Variants in KCTD1 observed in about 807,000 individuals in gnomAD.
KCTD1 encodes the protein BTB/POZ domain-containing protein KCTD1.
A neutral mutation model predicts 66.0 loss-of-function variants in KCTD1; 24 were observed. The ratio of observed to expected loss-of-function variants is 0.36; its 90% CI spans 0.26 to 0.51. The LOEUF (loss-of-function observed/expected upper bound fraction) is 0.51, where lower values mean the gene tolerates loss of function less well. Among genes scored for constraint, KCTD1 ranks in the 20% least tolerant of loss-of-function variants. KCTD1 has a pLI of 0.95. For synonymous variants in KCTD1, 511 were observed against 517.2 expected (o/e 0.99, Z 0.16); for missense variants, 943 against 1,205.2 (o/e 0.78, Z 3.22).
At chr18:26,618,508 T>C (rs1231885140) in intron 1 of KCTD1, among the ~76,000 whole-genome samples, 1 of 152,186 alleles carries the variant, frequency 6.6e-6, no homozygotes, top group Non-Finnish European at 1.5e-5. Flanking sequence ...GAATAAACGA[T>C]GCCTCTCTCT....
rs942446940 is a variant in KCTD1, at chr18:26,468,938, C to T, written c.2133+7577G>A. On this transcript the variant is annotated intron_variant, in intron 3 of 4. Transcript: ENST00000580059. The surrounding 1 kb of genome is among the most constrained non-coding windows in gnomAD (Gnocchi z 4.8). ...AAAGCACCAATAGTACTGTTCAGGA[C>T]GTGCAGACTGAAAGCTCCTATGTGT... 7.9e-5 allele frequency among the ~76,000 whole-genome samples: 12 copies of T among 152,284 alleles called. No homozygotes were observed. The highest frequency in any genetic ancestry group is 1.4e-4 in the African/African-American group (6 of 41,552).
intron 3 of KCTD1, among the ~76,000 whole-genome samples, chr18:26,466,645 C>T (rs529492829): frequency 6.6e-6 from 1 of 152,128 alleles, no homozygotes; most frequent in African/African-American, 2.4e-5. Context: ...TGACAGAGAT[C>T]GTTTTTATTG....
At chr18:26,463,914 A>G (rs962098483) in intron 3 of KCTD1, among the ~76,000 whole-genome samples, 2 of 152,218 alleles carry the variant, frequency 1.3e-5, no homozygotes, top group Non-Finnish European at 2.9e-5. Context: ...CATTTTACAT[A>G]TGAGCTTCCC....
rs776466895 is a variant in KCTD1, at chr18:26,455,795, C to T, written c.2546G>A (p.Arg849Gln). Residue 849 changes from arginine (R) to glutamine (Q), a missense_variant, in exon 5 of 5, where the codon CGG becomes CAG. By Grantham distance (43) the Arg-to-Gln change is conservative. This residue lies in a region of KCTD1 where 162 missense variants were observed against 232.4 expected (regional missense o/e 0.70). Transcript: ENST00000580059. The stretch of plus-strand genomic sequence containing the variant: ...GATGACGGAGGGTACACGGGGCGTC[C>T]GCCTCAGTTCCCGCCGAAGGACGTA... ...SEYVLRRELR[R>Q]TPRVPSVIRI... is the part of the protein sequence containing the mutation. 12 of 1,614,128 alleles carry T rather than the reference C, an allele frequency of 7.4e-6. No homozygotes were observed. The highest frequency in any genetic ancestry group is 1.6e-4 in the Middle Eastern group (1 of 6,062).
chr18:26,535,630 TTC>T (rs1390259354), intron 1 of KCTD1, among the ~76,000 whole-genome samples: 1 of 152,190 alleles, frequency 6.6e-6, no homozygotes, highest in Admixed American at 6.5e-5. Flanking sequence ...CTAAGATTCA[TTC>T]TGTTTTCAAA....
chr18:26,625,544 A>G (rs1052892899), intron 1 of KCTD1, among the ~76,000 whole-genome samples: 15 of 152,140 alleles, frequency 9.9e-5, no homozygotes, highest in African/African-American at 3.6e-4. Flanking sequence ...CCCTTCCACC[A>G]TGATTGTAAG....
chr18:26,631,720 C>T (rs1987621571), upstream of KCTD1, among the ~76,000 whole-genome samples: 1 of 151,950 alleles, frequency 6.6e-6, no homozygotes, highest in African/African-American at 2.4e-5. Flanking sequence ...AAAAATATTC[C>T]CAAAAAACCC....
At chr18:26,467,723 G>A (rs139429262) in intron 3 of KCTD1, among the ~76,000 whole-genome samples, 7 of 151,852 alleles carry the variant, frequency 4.6e-5, no homozygotes, top group Middle Eastern at 3.4e-3. Context: ...GCTGAGACAG[G>A]AGAATCACTT....
upstream of KCTD1, among the ~76,000 whole-genome samples, chr18:26,551,373 T>G (rs561188362): frequency 6.6e-6 from 1 of 152,210 alleles, no homozygotes; most frequent in South Asian, 2.1e-4. Context: ...AAGCAGCAGT[T>G]TTGGGTGCTG....
intron 1 of KCTD1, among the ~76,000 whole-genome samples, chr18:26,593,318 G>A (rs896230565): frequency 4.6e-5 from 7 of 150,638 alleles, no homozygotes; most frequent in Admixed American, 2.7e-4. Flanking sequence ...AGGAAGAGGA[G>A]GAGGAAGAGG....
At chr18:26,546,579 G>C (rs531786081) in intron 1 of KCTD1, 149 bp downstream of exon 1, 1 of 891,496 alleles carries the variant, frequency 1.1e-6, no homozygotes, top group Non-Finnish European at 1.6e-6. Context: ...AGCACCAAGA[G>C]AGTTAACTTC....
At chr18:26,522,433 A>C (rs1443939845) in intron 1 of KCTD1, among the ~76,000 whole-genome samples, 2 of 152,192 alleles carry the variant, frequency 1.3e-5, no homozygotes, top group Non-Finnish European at 2.9e-5. Flanking sequence ...CCTCAGATGG[A>C]ACCAACCACG....
chr18:26,647,335 C>CCG (rs1555649523), intron 1 of KCTD1, among the ~76,000 whole-genome samples: 21 of 114,722 alleles, frequency 1.8e-4, no homozygotes, highest in East Asian at 1.4e-3. Context: ...AGTGAAACCC[C>CCG]CCCCCCATCT....
At chr18:26,634,926 G>A (rs1482162468) in intron 1 of KCTD1, among the ~76,000 whole-genome samples, 1 of 152,166 alleles carries the variant, frequency 6.6e-6, no homozygotes, top group African/African-American at 2.4e-5. Context: ...TAGCAGAAGT[G>A]AGTGAGGCAA....
intron 1 of KCTD1, among the ~76,000 whole-genome samples, chr18:26,559,149 A>C (rs1985783137): frequency 6.6e-6 from 1 of 152,006 alleles, no homozygotes; most frequent in African/African-American, 2.4e-5. Context: ...TAATAGGTAC[A>C]AAAAAATTAG....
upstream of KCTD1, among the ~76,000 whole-genome samples, chr18:26,630,637 C>T (rs1262066562): frequency 1.3e-5 from 2 of 152,188 alleles, no homozygotes; most frequent in Non-Finnish European, 2.9e-5. Context: ...GCCCAGCCCA[C>T]GTCTGCTTAG....
At chr18:26,627,993 C>T (rs773950365) in intron 1 of KCTD1, among the ~76,000 whole-genome samples, 12 of 152,148 alleles carry the variant, frequency 7.9e-5, no homozygotes, top group African/African-American at 1.9e-4. Flanking sequence ...GTTGCCTTGG[C>T]CCCCACCCCA....
rs3755 is a variant in KCTD1 at position 26,455,824 on chromosome 18, G to A, written c.2517C>T (p.Ser839=). 0.15 allele frequency: 237,490 copies of A among 1,613,940 alleles called. 19,361 individuals are homozygous for A. The highest frequency in any genetic ancestry group is 0.16 in the Non-Finnish European group (193,209 of 1,179,902). The change falls in exon 5 of 5, where the codon AGC becomes AGT. Residue 839 remains serine (S), a synonymous_variant. Coordinates refer to ENST00000580059, the MANE Select transcript of KCTD1 (RefSeq NM_001142730.3). The part of the protein sequence containing the change: ...CGGGVDSSQF[S]EYVLRRELRR... Reference sequence around the variant, plus strand: ...TCAGTTCCCGCCGAAGGACGTATTCGCTGAACTGGGACGAGTCTACTCCTC... The same window carrying A: ...TCAGTTCCCGCCGAAGGACGTATTCACTGAACTGGGACGAGTCTACTCCTC...
chr18:26,486,396 C>T (rs181501388), intron 2 of KCTD1, among the ~76,000 whole-genome samples: 23 of 152,310 alleles, frequency 1.5e-4, no homozygotes, highest in Admixed American at 7.8e-4. Flanking sequence ...CCCAGAAGTC[C>T]CAGCTCCTTT....
Sources: gnomAD v4.1 joint callset for allele counts (sites outside exome capture counted in the v4.1 genomes callset) on GRCh38, gnomAD v4.1.1 for gene constraint, gnomAD v4.1.1 regional missense constraint, Gnocchi (gnomAD v3.1) non-coding constraint, MANE v1.5 for transcripts, NCBI Gene and HGNC (gene_info 2026-07-23, HGNC 2026-07-21) for gene names.